The following GPC5 variants were observed in gnomAD, a reference collection of about 807,000 sequenced individuals.
GPC5 encodes glypican-5.
GPC5 carries 47 observed loss-of-function variants against 53.9 expected under a neutral mutation model. The observed-to-expected ratio is 0.87, with a 90% CI of 0.69 to 1.11. GPC5 has a LOEUF of 1.11. Ranked by LOEUF, GPC5 falls within the 50% of genes most tolerant of loss-of-function variation. GPC5 has a pLI of 0.00. For missense variants in GPC5, 748 were observed against 713.1 expected, an observed-to-expected ratio of 1.05 and a Z score of -0.56; for synonymous variants, 286 against 263.3, an observed-to-expected ratio of 1.09 and a Z score of -0.84.
At chr13:92,003,208 C>T (rs900537324) in intron 6 of GPC5, among the ~76,000 whole-genome samples, 1 of 151,514 alleles carries the variant, frequency 6.6e-6, no homozygotes, top group Non-Finnish European at 1.5e-5. Flanking sequence ...CTACTCCCAG[C>T]TACTCAGGAG....
At chr13:91,400,338 T>C (rs1876840772) in intron 1 of GPC5, among the ~76,000 whole-genome samples, 2 of 152,302 alleles carry the variant, frequency 1.3e-5, no homozygotes, top group East Asian at 3.9e-4. Flanking sequence ...AAAGAAAATC[T>C]AGGCATTCGG....
rs191756277 is a variant in GPC5 at position 91,739,626 on chromosome 13, G to T, written c.1154+10961G>T. Among the ~76,000 whole-genome samples, 10 of 151,284 alleles carry T rather than the reference G, an allele frequency of 6.6e-5. 1 individual carries two copies. The highest frequency in any genetic ancestry group is 2.2e-4 in the African/African-American group (9 of 40,672). ...ACATGGCTGTTGGTGGGAGGCCTCC[G>T]TTTGTTGTCACAGTGACCTCTCCAT... is the stretch of plus-strand genomic sequence containing the variant. On this transcript the variant is annotated intron_variant, in intron 4 of 7. Transcript: ENST00000377067.
rs563177976 is a variant in GPC5, at chr13:92,539,948, G to A, written c.1562-326334G>A. Among the ~76,000 whole-genome samples the A allele has an allele frequency of 6.1e-4, 92 of 151,826 alleles. 1 individual carries two copies. The highest frequency in any genetic ancestry group is 2.0e-3 in the African/African-American group (84 of 41,456). On this transcript the variant is annotated intron_variant, in intron 7 of 7. Coordinates refer to ENST00000377067, the MANE Select transcript of GPC5 (RefSeq NM_004466.6). ...TAATTAATAAGTCTATGTAATTGAT[G>A]GTAAGATTCTTTTCTGAATTTTCTA... is the stretch of plus-strand genomic sequence containing the variant.
At position 92,381,900 on chromosome 13, in the gene GPC5, C is replaced by G. The variant is rs1157250135; in HGVS notation, c.1561+236911C>G. On this transcript the variant is annotated intron_variant, in intron 7 of 7. Coordinates refer to ENST00000377067, the MANE Select transcript of GPC5 (RefSeq NM_004466.6). ...TATGATTATATATATTATATATAAT[C>G]ATATATATGATATATATAATCATAT... Among the ~76,000 whole-genome samples the G allele has an allele frequency of 9.6e-3, 1,066 of 111,444 alleles. 52 individuals are homozygous for G. The highest frequency in any genetic ancestry group is 0.038 in the African/African-American group (1,023 of 26,824). The allele number at this position is 111,444 out of a possible 152,430, so 73.1% of individuals were successfully genotyped here. A position where few individuals can be genotyped will look rare whatever the true frequency, so the allele number is the denominator to read the frequency against.
intron 7 of GPC5, among the ~76,000 whole-genome samples, chr13:92,370,375 A>G (rs575423985): frequency 2.0e-5 from 3 of 152,334 alleles, no homozygotes; most frequent in African/African-American, 7.2e-5. Flanking sequence ...CAGAGAATTA[A>G]TACTTTGCAG....
chr13:91,617,169 T>G (rs2033719025), intron 2 of GPC5, among the ~76,000 whole-genome samples: 1 of 152,158 alleles, frequency 6.6e-6, no homozygotes, highest in Admixed American at 6.6e-5. Context: ...ATACTTTGCC[T>G]TTTAGGTGTT....
Position 92,730,784 on chromosome 13 carries a change from A to G in GPC5, c.1562-135498A>G, listed in dbSNP as rs1326124868. ...TTGAGGCTGCAAAACTGGCAAATGC[A>G]AGTAGGTTATCTCAAGATATGGAAT... On this transcript the variant is annotated intron_variant, in intron 7 of 7. Coordinates refer to ENST00000377067, the MANE Select transcript of GPC5 (RefSeq NM_004466.6). 2.6e-5 allele frequency among the ~76,000 whole-genome samples: 4 copies of G among 151,416 alleles called. 1 individual carries two copies. Among genetic ancestry groups the G allele is most frequent in the African/African-American group, 9.7e-5 (4 of 41,352 alleles).
chr13:92,380,033 A>G (rs1421690978), intron 7 of GPC5, among the ~76,000 whole-genome samples: 3 of 152,216 alleles, frequency 2.0e-5, no homozygotes, highest in Non-Finnish European at 2.9e-5. Flanking sequence ...AAAAACCACA[A>G]TTACTTTTAT....
chr13:92,287,606 T>C (rs1010325133), intron 7 of GPC5, among the ~76,000 whole-genome samples: 3 of 152,194 alleles, frequency 2.0e-5, no homozygotes, highest in Non-Finnish European at 4.4e-5. Flanking sequence ...CTCAGGGTCC[T>C]ACAGCTTTCA....
chr13:91,923,888 A>G (rs1243391911), intron 6 of GPC5, among the ~76,000 whole-genome samples: 1 of 152,168 alleles, frequency 6.6e-6, no homozygotes. Context: ...TTATGAAAAT[A>G]CAATTTTAAT....
intron 7 of GPC5, among the ~76,000 whole-genome samples, chr13:92,219,552 C>T (rs766953023): frequency 7.9e-5 from 12 of 152,068 alleles, no homozygotes; most frequent in Non-Finnish European, 1.8e-4. Flanking sequence ...CTTTTCAACC[C>T]CCTCCCCCAT....
intron 2 of GPC5, among the ~76,000 whole-genome samples, chr13:91,611,191 A>G (rs186052231): frequency 6.6e-6 from 1 of 152,344 alleles, no homozygotes; most frequent in Non-Finnish European, 1.5e-5. Context: ...AGATATGTAG[A>G]TTAGACGATT....
intron 7 of GPC5, among the ~76,000 whole-genome samples, chr13:92,556,900 G>C (rs1202757661): frequency 6.6e-6 from 1 of 151,942 alleles, no homozygotes; most frequent in Non-Finnish European, 1.5e-5. Flanking sequence ...TGGTATGTAA[G>C]TGTTCTTTAA....
chr13:92,074,720 T>A (rs553439571), intron 6 of GPC5, among the ~76,000 whole-genome samples: 1 of 152,286 alleles, frequency 6.6e-6, no homozygotes, highest in African/African-American at 2.4e-5. Context: ...AAGGTATTTG[T>A]AACCCTCGAA....
intron 5 of GPC5, among the ~76,000 whole-genome samples, chr13:91,811,034 A>G (rs2038304205): frequency 6.6e-6 from 1 of 151,906 alleles, no homozygotes; most frequent in African/African-American, 2.4e-5. Context: ...AAATATTGAC[A>G]TAACACTAAC....
intron 2 of GPC5, among the ~76,000 whole-genome samples, chr13:91,657,008 G>A (rs1172781572): frequency 6.6e-6 from 1 of 152,092 alleles, no homozygotes; most frequent in African/African-American, 2.4e-5. Flanking sequence ...ACTTCTTATT[G>A]GCAGTGGGAC....
chr13:92,419,992 C>A (rs1199553115), intron 7 of GPC5, among the ~76,000 whole-genome samples: 1 of 152,116 alleles, frequency 6.6e-6, no homozygotes, highest in Non-Finnish European at 1.5e-5. Context: ...TTCTTTTTGA[C>A]CTCTCCACCT....
intron 7 of GPC5, among the ~76,000 whole-genome samples, chr13:92,164,956 C>A (rs1452474139): frequency 6.6e-6 from 1 of 152,242 alleles, no homozygotes; most frequent in Non-Finnish European, 1.5e-5. Flanking sequence ...CTGAGCTGTA[C>A]GTTGGCCCCT....
chr13:92,584,039 G>T (rs558553847), intron 7 of GPC5, among the ~76,000 whole-genome samples: 57 of 152,262 alleles, frequency 3.7e-4, no homozygotes, highest in African/African-American at 1.3e-3. Context: ...TTTGTGAATT[G>T]CCCAATTTTA....
Sources: allele counts gnomAD v4.1 joint callset (sites outside exome capture counted in the v4.1 genomes callset), GRCh38; gene constraint gnomAD v4.1.1; transcripts MANE v1.5; gene names NCBI Gene and HGNC (gene_info 2026-07-23, HGNC 2026-07-21).